The following NR2F1-AS1 variants were observed in gnomAD, a reference collection of about 807,000 sequenced individuals.
NR2F1-AS1 encodes the protein NR2F1 antisense RNA 1.
At chr5:93,561,039 C>A (rs1048872758) in intron 2 of NR2F1-AS1, among the ~76,000 whole-genome samples, 2 of 152,122 alleles carry the variant, frequency 1.3e-5, no homozygotes, top group Non-Finnish European at 2.9e-5. Context: ...TTTGGGATAC[C>A]GAGGCGGGCA....
At chr5:93,453,917 A>G (rs993054752) in intron 4 of NR2F1-AS1, among the ~76,000 whole-genome samples, 4 of 152,358 alleles carry the variant, frequency 2.6e-5, no homozygotes, top group Non-Finnish European at 4.4e-5. Context: ...ACAAAAAAGA[A>G]AAAAGTACCA....
At chr5:93,457,867 G>A (rs57690257) in intron 4 of NR2F1-AS1, among the ~76,000 whole-genome samples, 19,151 of 151,972 alleles carry the variant, frequency 0.13, 1,520 homozygotes, top group African/African-American at 0.22. Context: ...CTTGTGAGTC[G>A]ATGGTGCTCA....
intron 4 of NR2F1-AS1, among the ~76,000 whole-genome samples, chr5:93,439,597 G>C (rs960048566): frequency 6.6e-6 from 1 of 152,150 alleles, no homozygotes; most frequent in Admixed American, 6.5e-5. Context: ...CCCGGCCAAG[G>C]CTTTTCTTTT....
At chr5:93,455,233 T>G (rs148669982) in intron 4 of NR2F1-AS1, among the ~76,000 whole-genome samples, 1 of 152,344 alleles carries the variant, frequency 6.6e-6, no homozygotes, top group African/African-American at 2.4e-5. Flanking sequence ...AAAAAAAGTT[T>G]TATCTTTTTC....
At position 93,510,204 on chromosome 5, in the gene NR2F1-AS1, T is replaced by C. The variant is rs1328229147; in HGVS notation, n.638+43557A>G. 3.9e-5 allele frequency among the ~76,000 whole-genome samples: 6 copies of C among 152,114 alleles called. No individual in the cohort carries two copies. In the South Asian group the frequency reaches 1.2e-3, roughly 31 times the overall value. On this transcript the variant is annotated intron_variant and non_coding_transcript_variant, in intron 4 of 5. Transcript: ENST00000660523. ...TTTTATTAACTTTCTAGTACCAGTTTATATTAACTTTGTGTGTTCTATTTA... is the reference window on the plus strand; with the variant it reads ...TTTTATTAACTTTCTAGTACCAGTTCATATTAACTTTGTGTGTTCTATTTA...
At chr5:93,522,357 G>C (rs556984894) in intron 4 of NR2F1-AS1, among the ~76,000 whole-genome samples, 2 of 152,078 alleles carry the variant, frequency 1.3e-5, no homozygotes, top group East Asian at 3.9e-4. Context: ...GAACCTAAAA[G>C]TTACTTTAAA....
chr5:93,499,967 G>C (rs1336694960), intron 4 of NR2F1-AS1, among the ~76,000 whole-genome samples: 1 of 152,152 alleles, frequency 6.6e-6, no homozygotes, highest in Non-Finnish European at 1.5e-5. Context: ...TAAGAGAGGT[G>C]AAGAAGCTGC....
chr5:93,458,200 C>G (rs376182348), intron 4 of NR2F1-AS1, among the ~76,000 whole-genome samples: 1 of 151,996 alleles, frequency 6.6e-6, no homozygotes, highest in Non-Finnish European at 1.5e-5. Flanking sequence ...AGAGGACCCG[C>G]GCTGGCCACA....
intron 4 of NR2F1-AS1, among the ~76,000 whole-genome samples, chr5:93,419,204 G>A (rs1749034514): frequency 6.6e-6 from 1 of 152,112 alleles, no homozygotes; most frequent in South Asian, 2.1e-4. Context: ...CTGTTTACTG[G>A]CATGAAGCTA....
chr5:93,423,616 A>G (rs1749135982), intron 4 of NR2F1-AS1, among the ~76,000 whole-genome samples: 1 of 152,198 alleles, frequency 6.6e-6, no homozygotes, highest in Admixed American at 6.5e-5. Context: ...AAAAATCCAT[A>G]TTGATTTCCA....
chr5:93,557,097 T>C (rs1752374378), intron 2 of NR2F1-AS1, among the ~76,000 whole-genome samples: 1 of 152,204 alleles, frequency 6.6e-6, no homozygotes, highest in Admixed American at 6.5e-5. Context: ...CTATATAGTA[T>C]CATTTATACA....
chr5:93,433,820 G>C (rs934608446), intron 4 of NR2F1-AS1, among the ~76,000 whole-genome samples: 2 of 152,092 alleles, frequency 1.3e-5, no homozygotes, highest in African/African-American at 4.8e-5. Flanking sequence ...AAATAATTAT[G>C]CTGATCAGAA....
upstream of NR2F1-AS1, chr5:93,585,188 G>A (rs772383390): frequency 5.3e-6 from 8 of 1,521,670 alleles, no homozygotes; most frequent in Non-Finnish European, 7.0e-6. Flanking sequence ...CGCAGACCCC[G>A]GGCCAGCCCG....
intron 4 of NR2F1-AS1, among the ~76,000 whole-genome samples, chr5:93,446,394 C>T (rs549431833): frequency 1.8e-4 from 27 of 152,164 alleles, no homozygotes; most frequent in East Asian, 3.9e-4. Flanking sequence ...ACAAGCATTC[C>T]TATACACCAA....
intron 4 of NR2F1-AS1, among the ~76,000 whole-genome samples, chr5:93,487,041 C>A (rs1445974802): frequency 6.6e-6 from 1 of 152,126 alleles, no homozygotes; most frequent in Non-Finnish European, 1.5e-5. Context: ...TGATAAAATT[C>A]AACACCCCTT....
At chr5:93,520,988 T>A (rs1751489332) in intron 4 of NR2F1-AS1, among the ~76,000 whole-genome samples, 1 of 151,900 alleles carries the variant, frequency 6.6e-6, no homozygotes, top group African/African-American at 2.4e-5. Flanking sequence ...GTCAATGGTA[T>A]ACAAAACAAC....
intron 2 of NR2F1-AS1, among the ~76,000 whole-genome samples, chr5:93,558,146 A>C (rs557449508): frequency 6.3e-4 from 96 of 152,192 alleles, no homozygotes; most frequent in Non-Finnish European, 1.1e-3. Flanking sequence ...GTTGGAATCA[A>C]CTTCTTCCAA....
intron 4 of NR2F1-AS1, among the ~76,000 whole-genome samples, chr5:93,490,096 T>C (rs983903159): frequency 6.6e-6 from 1 of 152,230 alleles, no homozygotes; most frequent in Non-Finnish European, 1.5e-5. Flanking sequence ...GGTGCAATTA[T>C]TGTTATAAAC....
chr5:93,480,234 T>G (rs1165433011), intron 4 of NR2F1-AS1, among the ~76,000 whole-genome samples: 2 of 152,106 alleles, frequency 1.3e-5, no homozygotes, highest in Non-Finnish European at 2.9e-5. Flanking sequence ...AAACTGCTGA[T>G]AGACAAAGAC....
Sources: allele counts gnomAD v4.1 joint callset (sites outside exome capture counted in the v4.1 genomes callset), GRCh38; gene constraint gnomAD v4.1.1; transcripts MANE v1.5; gene names NCBI Gene and HGNC (gene_info 2026-07-23, HGNC 2026-07-21).